The following CEP112 variants were observed in gnomAD, a reference collection of about 807,000 sequenced individuals.
The protein encoded by CEP112 is centrosomal protein of 112 kDa.
A neutral mutation model predicts 153.0 loss-of-function variants in CEP112; 127 were observed. That is an observed-to-expected ratio of 0.83 (90% CI 0.72 to 0.96). The LOEUF is 0.96. Ranked by LOEUF, CEP112 falls within the 40% of genes least tolerant of loss-of-function variation. CEP112 has a pLI of 0.00. For missense variants in CEP112, 1,089 were observed against 1,101.2 expected, an observed-to-expected ratio of 0.99 and a Z score of 0.16; for synonymous variants, 358 against 374.4, an observed-to-expected ratio of 0.96 and a Z score of 0.51.
intron 21 of CEP112, among the ~76,000 whole-genome samples, chr17:65,810,847 C>T (rs1477882756): frequency 6.6e-6 from 1 of 152,032 alleles, no homozygotes; most frequent in Non-Finnish European, 1.5e-5. Flanking sequence ...GTACACATTT[C>T]CATAAGGAAG....
At chr17:65,832,433 C>T (rs572281536) in intron 21 of CEP112, among the ~76,000 whole-genome samples, 50 of 143,418 alleles carry the variant, frequency 3.5e-4, no homozygotes, top group Non-Finnish European at 4.6e-5. Context: ...AAAAAAAAAA[C>T]TAAAAAGACA....
intron 17 of CEP112, among the ~76,000 whole-genome samples, chr17:65,972,940 ATTT>A (rs1376639751): frequency 6.6e-6 from 1 of 151,986 alleles, no homozygotes; most frequent in Non-Finnish European, 1.5e-5. Flanking sequence ...TAATTTTTGT[ATTT>A]TTAGTAGAGA....
intron 12 of CEP112, among the ~76,000 whole-genome samples, chr17:66,041,515 A>G (rs1240735812): frequency 6.6e-6 from 1 of 152,166 alleles, no homozygotes; most frequent in Non-Finnish European, 1.5e-5. Context: ...ACAGGCTAGT[A>G]TATACTGTAT....
At chr17:65,838,502 C>CAG (rs2057403139) in intron 21 of CEP112, among the ~76,000 whole-genome samples, 1 of 151,942 alleles carries the variant, frequency 6.6e-6, no homozygotes, top group Non-Finnish European at 1.5e-5. Context: ...ACAGGAAAAT[C>CAG]AGTTCAAAGA....
intron 8 of CEP112, among the ~76,000 whole-genome samples, chr17:66,094,176 C>T (rs968618303): frequency 2.0e-5 from 3 of 152,148 alleles, no homozygotes; most frequent in South Asian, 2.1e-4. Context: ...TCTCCCGCCT[C>T]AGCCTCCTGA....
chr17:65,967,292 A>T (rs958289724), intron 17 of CEP112, among the ~76,000 whole-genome samples: 2 of 152,224 alleles, frequency 1.3e-5, no homozygotes, highest in African/African-American at 4.8e-5. Flanking sequence ...GAAGATATGG[A>T]TGTCAGCTAG....
chr17:65,682,733 T>A (rs573232892), intron 24 of CEP112, among the ~76,000 whole-genome samples: 14 of 152,278 alleles, frequency 9.2e-5, no homozygotes, highest in Admixed American at 5.9e-4. Context: ...CTGGCCAAGA[T>A]GTTACTCAAT....
chr17:66,070,924 G>T (rs890466693), intron 8 of CEP112, among the ~76,000 whole-genome samples: 10 of 152,010 alleles, frequency 6.6e-5, no homozygotes, highest in African/African-American at 2.2e-4. Flanking sequence ...TTAAGGAAAA[G>T]TATCCTTACC....
At chr17:65,886,612 C>A (rs2109909) in intron 20 of CEP112, among the ~76,000 whole-genome samples, 30 of 152,182 alleles carry the variant, frequency 2.0e-4, no homozygotes, top group Non-Finnish European at 4.3e-4. Context: ...TTCGGAATTA[C>A]TATATGTTGC....
At chr17:65,841,394 G>T in intron 21 of CEP112, among the ~76,000 whole-genome samples, 1 of 152,052 alleles carries the variant, frequency 6.6e-6, no homozygotes, top group Non-Finnish European at 1.5e-5. Flanking sequence ...AATTAAGCCA[G>T]GCACAGAAAG....
intron 19 of CEP112, among the ~76,000 whole-genome samples, chr17:65,913,115 A>C (rs1482450735): frequency 7.9e-5 from 12 of 152,214 alleles, no homozygotes; most frequent in Admixed American, 7.9e-4. Context: ...TAACATCATC[A>C]GGTTATGTCT....
intron 22 of CEP112, among the ~76,000 whole-genome samples, chr17:65,746,185 A>AG (rs1567953495): frequency 6.7e-6 from 1 of 149,996 alleles, no homozygotes; most frequent in Admixed American, 6.6e-5. Context: ...AAAAAAAAAA[A>AG]AAAGAAAAGA....
intron 10 of CEP112, among the ~76,000 whole-genome samples, chr17:66,065,880 C>T (rs2067098151): frequency 6.6e-6 from 1 of 152,128 alleles, no homozygotes; most frequent in Non-Finnish European, 1.5e-5. Flanking sequence ...CCACCTGCCT[C>T]GGCCTCCCAA....
intron 18 of CEP112, among the ~76,000 whole-genome samples, chr17:65,934,336 T>C (rs1212555280): frequency 6.6e-6 from 1 of 152,234 alleles, no homozygotes. Flanking sequence ...AAGTAGAAGA[T>C]GTTTTATGTA....
At chr17:65,746,142 G>A (rs147173527) in intron 22 of CEP112, among the ~76,000 whole-genome samples, 1 of 86,252 alleles carries the variant, frequency 1.2e-5, no homozygotes, top group Non-Finnish European at 2.0e-5. Context: ...TCCAGCCTGG[G>A]CAACAAGGGT....
chr17:65,638,560 T>C (rs1023106236), intron 25 of CEP112, among the ~76,000 whole-genome samples: 2 of 152,226 alleles, frequency 1.3e-5, no homozygotes, highest in African/African-American at 4.8e-5. Context: ...TATAGCACCC[T>C]GGTCTTCATT....
intron 20 of CEP112, among the ~76,000 whole-genome samples, chr17:65,856,112 G>A (rs2058112389): frequency 6.6e-6 from 1 of 152,074 alleles, no homozygotes; most frequent in African/African-American, 2.4e-5. Flanking sequence ...TTAATATACT[G>A]AAAAGTGTAA....
At chr17:65,864,913 AGTGTGTGTGTGTGTGTGTGT>A (rs6146121) in intron 20 of CEP112, among the ~76,000 whole-genome samples, 38,837 of 144,470 alleles carry the variant, frequency 0.27, 5,850 homozygotes, top group Non-Finnish European at 0.34. Context: ...GGGGTAAGCA[AGTGTGTGTGTGTGTGTGTGT>A]GTGTGTGTGT....
intron 6 of CEP112, among the ~76,000 whole-genome samples, chr17:66,116,863 C>CTT (rs35885142): frequency 0.012 from 1,482 of 119,164 alleles, 38 homozygotes; most frequent in Middle Eastern, 0.019. Flanking sequence ...CTCCAATCTC[C>CTT]TTTTTTTTTT....
Sources: gnomAD v4.1 joint callset for allele counts (sites outside exome capture counted in the v4.1 genomes callset) on GRCh38, gnomAD v4.1.1 for gene constraint, MANE v1.5 for transcripts, NCBI Gene and HGNC (gene_info 2026-07-23, HGNC 2026-07-21) for gene names.